Variants in RASA1 observed in about 807,000 individuals in gnomAD.
RASA1 encodes the protein RAS p21 protein activator 1.
RASA1 carries 25 observed loss-of-function variants against 132.2 expected under a neutral mutation model. The observed-to-expected ratio is 0.19, with a 90% confidence interval of 0.14 to 0.26. RASA1 has a LOEUF of 0.26. Ranked by LOEUF, RASA1 falls within the 10% of genes least tolerant of loss-of-function variation. The pLI is 1.00. For synonymous variants in RASA1, 477 were observed against 449.9 expected, an observed-to-expected ratio of 1.06 and a Z score of -0.76; for missense variants, 964 against 1,299.2, an observed-to-expected ratio of 0.74 and a Z score of 3.97.
chr5:87,310,733 A>G (rs1166397244), intron 1 of RASA1, among the ~76,000 whole-genome samples: 1 of 152,186 alleles, frequency 6.6e-6, no homozygotes, highest in East Asian at 1.9e-4. Flanking sequence ...GTAAAGTCAA[A>G]TAATTTTCAT....
At chr5:87,309,188 T>A (rs1013602590) in intron 1 of RASA1, among the ~76,000 whole-genome samples, 4 of 152,124 alleles carry the variant, frequency 2.6e-5, no homozygotes, top group Admixed American at 2.6e-4. Flanking sequence ...GGCACTATTT[T>A]AGGTGGTTAG....
rs763843462 is a variant in RASA1 at position 87,331,426 on chromosome 5, A to C, written c.618A>C (p.Ile206=). ...CAGGGAAGTCTGGCAGTTATCTTAT[A>C]AGAGAGAGTGATCGGAGGCCAGGGT... ...RQAGKSGSYL[I]RESDRRPGSF... is the part of the protein sequence containing the mutation. The change falls in exon 2 of 25, where the codon ATA becomes ATC. Residue 206 remains isoleucine, a synonymous_variant. Transcript: ENST00000274376. The C allele has an allele frequency of 1.2e-6, 2 of 1,613,772 alleles. No individual in the cohort carries two copies. The highest frequency in any genetic ancestry group is 1.7e-6 in the Non-Finnish European group (2 of 1,179,808).
In RASA1 at chr5:87,377,435, A is replaced by G. The variant is rs925285768; in HGVS notation, c.2344+395A>G. ...AACCTCTACCTCTCAGGTTCAAGCG[A>G]TTCTCCTGCCTCAGCCTCCTAAGTA... On this transcript the variant is annotated intron_variant, in intron 17 of 24. Coordinates refer to ENST00000274376, the MANE Select transcript of RASA1 (RefSeq NM_002890.3). Among the ~76,000 whole-genome samples the G allele has an allele frequency of 2.0e-5, 3 of 152,188 alleles. No homozygotes were observed. In the East Asian group the frequency reaches 5.8e-4, roughly 29 times the overall value.
At chr5:87,321,447 G>T (rs1274781453) in intron 1 of RASA1, among the ~76,000 whole-genome samples, 1 of 152,152 alleles carries the variant, frequency 6.6e-6, no homozygotes, top group Non-Finnish European at 1.5e-5. Context: ...CTTCCCACTG[G>T]TTGTAAGTCT....
intron 1 of RASA1, among the ~76,000 whole-genome samples, chr5:87,303,987 C>T (rs1755495726): frequency 6.6e-6 from 1 of 152,008 alleles, no homozygotes; most frequent in South Asian, 2.1e-4. Context: ...GCGCCCACCA[C>T]TACACCTGGC....
intron 9 of RASA1, among the ~76,000 whole-genome samples, chr5:87,359,863 T>C (rs1378325232): frequency 2.0e-5 from 3 of 152,204 alleles, no homozygotes; most frequent in Non-Finnish European, 4.4e-5. Flanking sequence ...CATGTTTTCA[T>C]GTCTAGAAAG....
At chr5:87,353,917 T>C (rs888302860) in intron 9 of RASA1, among the ~76,000 whole-genome samples, 2 of 152,148 alleles carry the variant, frequency 1.3e-5, no homozygotes, top group African/African-American at 2.4e-5. Context: ...GGAAATGGTA[T>C]AACAGGGGTT....
chr5:87,380,541 A>T lies in RASA1; in HGVS notation c.2636A>T (p.Lys879Ile). Residue 879 changes from lysine to isoleucine, a missense_variant, in exon 20 of 25, where the codon AAA (lysine) becomes ATA (isoleucine). Coordinates refer to ENST00000274376, the MANE Select transcript of RASA1 (RefSeq NM_002890.3). ...AGATATATTTATGGGTGTTTACAGA[A>T]ATCTGTTCAGCATAAGTGGCCTACA... is the stretch of plus-strand genomic sequence containing the variant. ...TLRYIYGCLQKSVQHKWPTNT... is the reference protein window; with the variant it reads ...TLRYIYGCLQISVQHKWPTNT... 1.2e-6 allele frequency: 2 copies of T among 1,613,432 alleles called. No individual in the cohort carries two copies. The highest frequency in any genetic ancestry group is 1.7e-6 in the Non-Finnish European group (2 of 1,179,498).
rs1290067326 is a variant in RASA1 at position 87,391,103 on chromosome 5, A to C, written c.*220A>C. On this transcript the variant is annotated 3_prime_UTR_variant, in exon 25 of 25. Transcript: ENST00000274376. ...GATATTTGCACTATTTCCACATGGA[A>C]TCAATCTTTAACAACCTCTGAGCCT... is the stretch of plus-strand genomic sequence containing the variant. The C allele has an allele frequency of 3.2e-6, 2 of 624,104 alleles. No individual in the cohort carries two copies. Among genetic ancestry groups the C allele is most frequent in the Admixed American group, 2.6e-5 (1 of 38,920 alleles). The allele number at this position is 624,104 out of a possible 1,614,324, so 38.7% of individuals were successfully genotyped here. A position where few individuals can be genotyped will look rare whatever the true frequency, so the allele number is the denominator to read the frequency against.
intron 1 of RASA1, among the ~76,000 whole-genome samples, chr5:87,292,425 A>T (rs1332228319): frequency 6.6e-6 from 1 of 151,546 alleles, no homozygotes; most frequent in Non-Finnish European, 1.5e-5. Context: ...GTTTGTTAAA[A>T]AGTCTGTCTT....
chr5:87,296,806 T>C (rs1755139325), intron 1 of RASA1, among the ~76,000 whole-genome samples: 1 of 152,176 alleles, frequency 6.6e-6, no homozygotes, highest in African/African-American at 2.4e-5. Flanking sequence ...GCCTCAGTCT[T>C]AATGTTATCT....
intron 9 of RASA1, among the ~76,000 whole-genome samples, chr5:87,360,236 C>T (rs866072843): frequency 6.6e-6 from 1 of 151,154 alleles, no homozygotes; most frequent in Non-Finnish European, 1.5e-5. Context: ...AAGCGATTCT[C>T]CTCCCTCAGC....
At chr5:87,305,355 A>G (rs1176254948) in intron 1 of RASA1, among the ~76,000 whole-genome samples, 1 of 152,124 alleles carries the variant, frequency 6.6e-6, no homozygotes, top group African/African-American at 2.4e-5. Flanking sequence ...CACACCTACA[A>G]CTATCTGATT....
In RASA1 at chr5:87,295,029, C is replaced by CAT. The variant is rs1353583164; in HGVS notation, c.539+26048_539+26049dup. ...TTTATTTTTACTCTTCATTGTTAGG[C>CAT]ATATATATATTAAGGATCATTGGGT... is the stretch of plus-strand genomic sequence containing the variant. On this transcript the variant is annotated intron_variant, in intron 1 of 24. Coordinates refer to ENST00000274376, the MANE Select transcript of RASA1 (RefSeq NM_002890.3). 5.3e-5 allele frequency among the ~76,000 whole-genome samples: 8 copies of CAT among 152,026 alleles called. No individual in the cohort carries two copies. The East Asian group carries it at 1.4e-3, about 26-fold the overall frequency.
intron 2 of RASA1, among the ~76,000 whole-genome samples, chr5:87,331,896 G>A (rs1020003607): frequency 2.0e-5 from 3 of 151,816 alleles, no homozygotes; most frequent in Admixed American, 1.3e-4. Flanking sequence ...AAAACTCTTC[G>A]CAGACATGCA....
chr5:87,274,732 GA>G, intron 1 of RASA1, among the ~76,000 whole-genome samples: 1 of 151,892 alleles, frequency 6.6e-6, no homozygotes, highest in East Asian at 1.9e-4. Flanking sequence ...GTGTAATTAG[GA>G]TCAGTAAATT....
At chr5:87,318,794 A>C (rs1200831267) in intron 1 of RASA1, 1 of 152,216 alleles carries the variant, frequency 6.6e-6, no homozygotes, top group African/African-American at 2.4e-5. Context: ...TCAAGACACA[A>C]TCATGCCTTC....
At chr5:87,324,928 A>G (rs187633454) in intron 1 of RASA1, among the ~76,000 whole-genome samples, 1 of 152,268 alleles carries the variant, frequency 6.6e-6, no homozygotes, top group Admixed American at 6.5e-5. Flanking sequence ...TCTTCACTTT[A>G]AGAAATCAGT....
intron 1 of RASA1, among the ~76,000 whole-genome samples, chr5:87,286,558 A>G (rs933797376): frequency 2.0e-5 from 3 of 151,946 alleles, no homozygotes; most frequent in African/African-American, 7.3e-5. Flanking sequence ...ATACAATTCT[A>G]TTTTCATTTT....
Sources: allele counts gnomAD v4.1 joint callset (sites outside exome capture counted in the v4.1 genomes callset), GRCh38; gene constraint gnomAD v4.1.1; transcripts MANE v1.5; gene names NCBI Gene and HGNC (gene_info 2026-07-23, HGNC 2026-07-21).